APAF1: variants seen among roughly 807,000 people sequenced by gnomAD.
APAF1 encodes apoptotic protease-activating factor 1.
APAF1 carries 91 observed loss-of-function variants against 152.4 expected under a neutral mutation model. The observed-to-expected ratio is 0.60, with a 90% CI of 0.50 to 0.71. The LOEUF (loss-of-function observed/expected upper bound fraction) is 0.71, where lower values mean the gene tolerates loss of function less well. Among genes scored for constraint, APAF1 ranks in the 30% least tolerant of loss-of-function variants. APAF1 has a pLI of 0.00. For missense variants in APAF1, 1,283 were observed against 1,472.0 expected (o/e 0.87, Z 2.10); for synonymous variants, 484 against 494.1 (o/e 0.98, Z 0.27).
rs1421074354 is a variant in APAF1 at position 98,723,182 on chromosome 12, T to C, written c.3085-11T>C. On this transcript the variant is annotated splice_polypyrimidine_tract_variant and intron_variant, in intron 22 of 26. Coordinates refer to ENST00000551964, the MANE Select transcript of APAF1 (RefSeq NM_181861.2). ...GGAGGATTATAACAGACTTATTTCTTTGATATTCAGGTATGGAATTGGCAA... is the reference window on the plus strand; with the variant it reads ...GGAGGATTATAACAGACTTATTTCTCTGATATTCAGGTATGGAATTGGCAA... 2 of 1,612,582 alleles carry C rather than the reference T, an allele frequency of 1.2e-6. No homozygotes were observed. The highest frequency in any genetic ancestry group is 4.5e-5 in the East Asian group (2 of 44,788).
At chr12:98,704,396 A>G (rs2097719116) in intron 18 of APAF1, among the ~76,000 whole-genome samples, 1 of 152,214 alleles carries the variant, frequency 6.6e-6, no homozygotes, top group African/African-American at 2.4e-5. Flanking sequence ...AAATAGAGAA[A>G]TTCACTGGGT....
At chr12:98,727,676 C>G (rs1234893513) in intron 26 of APAF1, among the ~76,000 whole-genome samples, 2 of 152,136 alleles carry the variant, frequency 1.3e-5, no homozygotes, top group African/African-American at 2.4e-5. Context: ...CACGGTGGCT[C>G]ACGCCTGTAA....
intron 20 of APAF1, among the ~76,000 whole-genome samples, chr12:98,709,820 C>A (rs1335871037): frequency 6.6e-6 from 1 of 152,130 alleles, no homozygotes; most frequent in African/African-American, 2.4e-5. Context: ...CCTGAGGATT[C>A]CCTGAGACAT....
chr12:98,667,206 G>A (rs1028743466), intron 9 of APAF1, among the ~76,000 whole-genome samples: 4 of 151,640 alleles, frequency 2.6e-5, no homozygotes, highest in Admixed American at 6.6e-5. Context: ...GGTTGGTCCT[G>A]AGTAGCTAAT....
chr12:98,732,564 T>C lies in APAF1; in HGVS notation c.3745T>C (p.Ter1249GlnextTer3). ...TTTATATATTTTACAGACTTTAGAA[T>C]AAAATAGTTAAGCATTAATGTAGTT... ...GILYILQTLE[*>Q] Residue 1249 changes from the stop codon to glutamine, a stop_lost, in exon 27 of 27, where the codon TAA (stop) becomes CAA (glutamine). Transcript: ENST00000551964. 1 of 1,551,188 alleles carries C rather than the reference T, an allele frequency of 6.4e-7. No homozygotes were observed.
chr12:98,688,126 A>G (rs1593068481), intron 16 of APAF1, among the ~76,000 whole-genome samples: 1 of 152,342 alleles, frequency 6.6e-6, no homozygotes, highest in South Asian at 2.1e-4. Flanking sequence ...AGAGTTAGGG[A>G]AAAAAGCTTA....
intron 18 of APAF1, 136 bp from the exon 19 acceptor site, chr12:98,706,349 T>C: frequency 1.2e-6 from 1 of 858,968 alleles, no homozygotes; most frequent in Non-Finnish European, 2.0e-6. Flanking sequence ...TAAGACATTT[T>C]GTAGTTTTGA....
chr12:98,666,464 A>C, intron 9 of APAF1, 107 bp downstream of exon 9: 1 of 1,074,426 alleles, frequency 9.3e-7, no homozygotes, highest in Non-Finnish European at 1.4e-6. Flanking sequence ...TAAGTCCTTC[A>C]CCTAGCTTCC....
chr12:98,650,000 G>A (rs184212839), intron 4 of APAF1, among the ~76,000 whole-genome samples: 1 of 152,178 alleles, frequency 6.6e-6, no homozygotes, highest in African/African-American at 2.4e-5. Context: ...GTAGAAGAGG[G>A]TTTAAGAAAT....
In APAF1 at chr12:98,710,767, A is replaced by G. The variant is rs145131107; in HGVS notation, c.2842-1552A>G. On this transcript the variant is annotated intron_variant, in intron 20 of 26. Transcript: ENST00000551964. ...AAAGCTGTAGAGCTCAGCTTGGTGT[A>G]GTGGAGAGAATAGTGACTTTTCACT... Among the ~76,000 whole-genome samples, 472 of 152,330 alleles carry G rather than the reference A, an allele frequency of 3.1e-3. 4 individuals carry two copies. The highest frequency in any genetic ancestry group is 0.011 in the African/African-American group (453 of 41,588).
intron 22 of APAF1, among the ~76,000 whole-genome samples, chr12:98,718,292 G>T (rs1315967717): frequency 6.6e-6 from 1 of 151,904 alleles, no homozygotes; most frequent in Admixed American, 6.6e-5. Context: ...GAGTGCAGTG[G>T]TGCAATCTCG....
chr12:98,723,709 A>G lies in APAF1; in HGVS notation c.3275A>G (p.Asp1092Gly). The change falls in exon 24 of 27, where the codon GAC becomes GGC. Residue 1092 changes from aspartate (D) to glycine (G), a missense_variant. Asp to Gly is a moderately conservative substitution (Grantham distance 94). Transcript: ENST00000551964. ...CACCAGGGTACAGTACTTTCTTGTG[A>G]CATTTCTCACGATGCTACCAAGTTT... ...VCHQGTVLSC[D>G]ISHDATKFSS... is the part of the protein sequence containing the mutation. 6.2e-7 allele frequency: 1 copy of G among 1,613,472 alleles called. No homozygotes were observed. Among genetic ancestry groups the G allele is most frequent in the Non-Finnish European group, 8.5e-7 (1 of 1,179,760 alleles).
chr12:98,700,684 A>G (rs1397579772), intron 17 of APAF1, among the ~76,000 whole-genome samples: 1 of 152,240 alleles, frequency 6.6e-6, no homozygotes, highest in Non-Finnish European at 1.5e-5. Flanking sequence ...TACATTCACA[A>G]TGCTGTGTAG....
chr12:98,683,042 A>G (rs550590345), intron 14 of APAF1, 101 bp from the exon 15 acceptor site: 5 of 899,420 alleles, frequency 5.6e-6, no homozygotes, highest in Non-Finnish European at 5.3e-6. Context: ...CTGCTATGAC[A>G]GGATAAGATA....
At chr12:98,678,923 C>A (rs1344648658) in intron 13 of APAF1, among the ~76,000 whole-genome samples, 1 of 152,212 alleles carries the variant, frequency 6.6e-6, no homozygotes, top group Non-Finnish European at 1.5e-5. Flanking sequence ...TACTGGCCTG[C>A]AGGCTCCCCT....
intron 16 of APAF1, among the ~76,000 whole-genome samples, chr12:98,691,186 G>A (rs1310614404): frequency 6.6e-6 from 1 of 152,072 alleles, no homozygotes; most frequent in African/African-American, 2.4e-5. Context: ...AAGCCTGGGG[G>A]AAGAGCGAGA....
chr12:98,706,712 G>A, intron 19 of APAF1, 102 bp downstream of exon 19: 1 of 1,326,650 alleles, frequency 7.5e-7, no homozygotes, highest in Non-Finnish European at 1.1e-6. Flanking sequence ...AGCAGAATAG[G>A]AAACTAGTAC....
chr12:98,730,464 G>A (rs764160449), intron 26 of APAF1, among the ~76,000 whole-genome samples: 1 of 152,236 alleles, frequency 6.6e-6, no homozygotes, highest in Non-Finnish European at 1.5e-5. Context: ...TTTATAAGAT[G>A]TTACAAAGAT....
At chr12:98,714,640 G>A (rs969710418) in intron 21 of APAF1, among the ~76,000 whole-genome samples, 14 of 152,258 alleles carry the variant, frequency 9.2e-5, no homozygotes, top group African/African-American at 3.4e-4. Context: ...CATTTAGGAA[G>A]GTTTCCATTC....
Sources: allele counts gnomAD v4.1 joint callset (sites outside exome capture counted in the v4.1 genomes callset), GRCh38; gene constraint gnomAD v4.1.1; transcripts MANE v1.5; gene names NCBI Gene and HGNC (gene_info 2026-07-23, HGNC 2026-07-21).